Variants in ZNF804A observed in about 807,000 individuals in gnomAD.
ZNF804A encodes the protein zinc finger protein 804A.
In ZNF804A, 2 loss-of-function variants were observed where a neutral mutation model predicts 16.5. The observed-to-expected ratio is 0.12, with a 90% CI of 0.05 to 0.38. ZNF804A has a LOEUF of 0.38. ZNF804A is among the 10% of genes least tolerant of loss of function. The pLI, the probability that ZNF804A is intolerant of heterozygous loss-of-function variation, is 0.99. For synonymous variants in ZNF804A, 534 were observed against 489.6 expected (o/e 1.09, Z -1.20); for missense variants, 1,473 against 1,390.7 (o/e 1.06, Z -0.94).
At chr2:184,874,100 T>C (rs1412567677) in intron 2 of ZNF804A, among the ~76,000 whole-genome samples, 1 of 152,120 alleles carries the variant, frequency 6.6e-6, no homozygotes, top group Non-Finnish European at 1.5e-5. Flanking sequence ...GAACAAAAGA[T>C]TGCAAAGACT....
chr2:184,687,337 T>G (rs941215026), intron 1 of ZNF804A, among the ~76,000 whole-genome samples: 2 of 152,182 alleles, frequency 1.3e-5, no homozygotes, highest in African/African-American at 2.4e-5. Flanking sequence ...AATGTTAATG[T>G]ATATATTGCT....
At chr2:184,733,632 G>C (rs1210620867) in intron 1 of ZNF804A, among the ~76,000 whole-genome samples, 2 of 152,064 alleles carry the variant, frequency 1.3e-5, no homozygotes, top group South Asian at 2.1e-4. Flanking sequence ...GAATACTTTA[G>C]TAAACCCATC....
chr2:184,850,098 G>A (rs955764775), intron 1 of ZNF804A, among the ~76,000 whole-genome samples: 3 of 151,784 alleles, frequency 2.0e-5, no homozygotes, highest in Non-Finnish European at 1.5e-5. Context: ...GGTAAAAAGT[G>A]AGGATGGTTA....
intron 1 of ZNF804A, among the ~76,000 whole-genome samples, chr2:184,865,295 C>G (rs547510162): frequency 9.9e-5 from 15 of 151,860 alleles, no homozygotes; most frequent in Non-Finnish European, 5.9e-5. Context: ...TGTTTACACA[C>G]GGAAACATTG....
chr2:184,855,613 TATACACACACAC>T (rs1213858008), intron 1 of ZNF804A, among the ~76,000 whole-genome samples: 3 of 124,136 alleles, frequency 2.4e-5, no homozygotes, highest in African/African-American at 9.5e-5. Flanking sequence ...TATATATATA[TATACACACACAC>T]ACACACACAC....
intron 1 of ZNF804A, among the ~76,000 whole-genome samples, chr2:184,708,705 T>C (rs143518530): frequency 6.6e-6 from 1 of 152,124 alleles, no homozygotes; most frequent in Non-Finnish European, 1.5e-5. Flanking sequence ...TATTTAGTCT[T>C]ACAATCTATG....
intron 1 of ZNF804A, among the ~76,000 whole-genome samples, chr2:184,865,977 C>T (rs1256304054): frequency 2.0e-5 from 3 of 151,954 alleles, no homozygotes; most frequent in East Asian, 3.9e-4. Context: ...TCAAACAGAA[C>T]ACATTTTACA....
chr2:184,814,787 C>T (rs891223651), intron 1 of ZNF804A, among the ~76,000 whole-genome samples: 4 of 151,926 alleles, frequency 2.6e-5, no homozygotes, highest in East Asian at 1.9e-4. Context: ...ATGAGATCTC[C>T]GTCACCTGGG....
chr2:184,841,312 C>T (rs1303646354), intron 1 of ZNF804A, among the ~76,000 whole-genome samples: 2 of 152,154 alleles, frequency 1.3e-5, no homozygotes, highest in South Asian at 4.1e-4. Flanking sequence ...TATCTTCTAA[C>T]TAAATATTTT....
chr2:184,808,785 A>G (rs978605511), intron 1 of ZNF804A, among the ~76,000 whole-genome samples: 6 of 150,096 alleles, frequency 4.0e-5, no homozygotes, highest in African/African-American at 1.5e-4. Context: ...TCACAACAAA[A>G]CAACGACTTT....
At position 184,936,894 on chromosome 2, in the gene ZNF804A, T is replaced by C. The variant is rs1685798295; in HGVS notation, c.1498T>C (p.Tyr500His). Residue 500 changes from tyrosine to histidine, a missense_variant, in exon 4 of 4, where the codon TAC (tyrosine) becomes CAC (histidine). Coordinates refer to ENST00000302277, the MANE Select transcript of ZNF804A (RefSeq NM_194250.2). ...EDICMGPLSD[Y>H]KDVSTEGLTD... ...CATTTGCATGGGACCACTTTCAGATTACAAGGATGTATCTACAGAAGGACT... is the reference window on the plus strand; with the variant it reads ...CATTTGCATGGGACCACTTTCAGATCACAAGGATGTATCTACAGAAGGACT... 6.2e-7 allele frequency: 1 copy of C among 1,613,776 alleles called. No individual in the cohort carries two copies. The highest frequency in any genetic ancestry group is 8.5e-7 in the Non-Finnish European group (1 of 1,179,848).
At chr2:184,797,495 C>T (rs1160240792) in intron 1 of ZNF804A, among the ~76,000 whole-genome samples, 1 of 151,862 alleles carries the variant, frequency 6.6e-6, no homozygotes, top group Non-Finnish European at 1.5e-5. Flanking sequence ...TTTTTTCTTC[C>T]CTTTAAGTTT....
intron 1 of ZNF804A, among the ~76,000 whole-genome samples, chr2:184,792,186 T>A (rs1366351160): frequency 5.3e-5 from 8 of 152,302 alleles, no homozygotes; most frequent in Admixed American, 3.9e-4. Context: ...TACCCAGGAA[T>A]GCAACTGCTG....
chr2:184,645,930 C>A (rs1691863461), intron 1 of ZNF804A, among the ~76,000 whole-genome samples: 1 of 152,164 alleles, frequency 6.6e-6, no homozygotes, highest in African/African-American at 2.4e-5. Context: ...CTGGAGTCAC[C>A]TTTCCACTGG....
intron 1 of ZNF804A, among the ~76,000 whole-genome samples, chr2:184,711,009 G>A (rs1286293075): frequency 6.6e-6 from 1 of 151,562 alleles, no homozygotes; most frequent in Non-Finnish European, 1.5e-5. Flanking sequence ...TTAATATTTT[G>A]GATATATATC....
At chr2:184,694,340 T>C (rs1321274664) in intron 1 of ZNF804A, among the ~76,000 whole-genome samples, 1 of 152,126 alleles carries the variant, frequency 6.6e-6, no homozygotes, top group Non-Finnish European at 1.5e-5. Context: ...CACCACAAAT[T>C]GTTCTTTCAC....
chr2:184,655,416 C>A (rs1692060770), intron 1 of ZNF804A, among the ~76,000 whole-genome samples: 1 of 152,076 alleles, frequency 6.6e-6, no homozygotes, highest in African/African-American at 2.4e-5. Flanking sequence ...CCCAAGATTA[C>A]AACTGAATTT....
chr2:184,732,485 T>C (rs181024180), intron 1 of ZNF804A, among the ~76,000 whole-genome samples: 108 of 152,284 alleles, frequency 7.1e-4, no homozygotes, highest in African/African-American at 2.3e-3. Flanking sequence ...TCTTCAACTT[T>C]GTTCTTCTTT....
intron 1 of ZNF804A, among the ~76,000 whole-genome samples, chr2:184,633,003 C>T (rs1160888549): frequency 6.6e-6 from 1 of 152,130 alleles, no homozygotes; most frequent in African/African-American, 2.4e-5. Context: ...CTTTTCTACC[C>T]AGCTTCGGCT....
Sources: gnomAD v4.1 joint callset for allele counts (sites outside exome capture counted in the v4.1 genomes callset) on GRCh38, gnomAD v4.1.1 for gene constraint, MANE v1.5 for transcripts, NCBI Gene and HGNC (gene_info 2026-07-23, HGNC 2026-07-21) for gene names.